ZFP64: variants seen among roughly 807,000 people sequenced by gnomAD.
ZFP64 encodes ZFP64 zinc finger protein, also known as zinc finger protein 64.
In ZFP64, 14 loss-of-function variants were observed where a neutral mutation model predicts 51.6. The observed-to-expected ratio is 0.27, with a 90% CI of 0.18 to 0.42. The LOEUF (loss-of-function observed/expected upper bound fraction) is 0.42, where lower values mean the gene tolerates loss of function less well. Among genes scored for constraint, ZFP64 ranks in the 10% least tolerant of loss-of-function variants. The pLI is 1.00. For synonymous variants in ZFP64, 375 were observed against 361.4 expected (o/e 1.04, Z -0.43); for missense variants, 754 against 906.8 (o/e 0.83, Z 2.16).
chr20:52,103,995 G>A (rs995603674), intron 5 of ZFP64, among the ~76,000 whole-genome samples: 12 of 152,236 alleles, frequency 7.9e-5, no homozygotes, highest in African/African-American at 2.9e-4. Flanking sequence ...CTCTGGAGGG[G>A]TGAGCCGCCC....
intron 1 of ZFP64, among the ~76,000 whole-genome samples, 182 bp from the exon 2 acceptor site, chr20:52,187,253 C>G (rs1354358868): frequency 1.3e-5 from 2 of 152,142 alleles, no homozygotes; most frequent in African/African-American, 4.8e-5. Flanking sequence ...AGCAAGGTAT[C>G]ATATTTCCAC....
At chr20:52,150,590 G>A (rs1248017035), downstream of ZFP64, among the ~76,000 whole-genome samples, 4 of 152,122 alleles carry the variant, frequency 2.6e-5, no homozygotes, top group African/African-American at 9.7e-5. Flanking sequence ...ATTGATGATA[G>A]GAAAATAAAG....
rs79182170 is a variant in ZFP64 at position 52,099,409 on chromosome 20, C to G, written c.764-822G>C. 6.5e-3 allele frequency among the ~76,000 whole-genome samples: 984 copies of G among 151,998 alleles called. 9 individuals carry two copies. The highest frequency in any genetic ancestry group is 0.023 in the African/African-American group (946 of 41,454). On this transcript the variant is annotated intron_variant, in intron 5 of 8. Transcript: ENST00000361387. The stretch of plus-strand genomic sequence containing the variant: ...AGGTCACAGACCACACATCACTGAT[C>G]TCCAGGATAAAACAGTTGTTTCAAC...
At chr20:52,164,083 G>A (rs911616170) in intron 4 of ZFP64, among the ~76,000 whole-genome samples, 1 of 152,124 alleles carries the variant, frequency 6.6e-6, no homozygotes, top group Non-Finnish European at 1.5e-5. Flanking sequence ...AGGCAAGGTG[G>A]GTGGATCGCT....
At chr20:52,088,049 C>T (rs1283616885) in intron 8 of ZFP64, among the ~76,000 whole-genome samples, 4 of 152,208 alleles carry the variant, frequency 2.6e-5, no homozygotes, top group Admixed American at 1.3e-4. Context: ...GATCCTGCTA[C>T]ATTCCAAATT....
intron 7 of ZFP64, among the ~76,000 whole-genome samples, chr20:52,089,506 T>G (rs2078899259): frequency 1.3e-5 from 2 of 152,142 alleles, no homozygotes; most frequent in Non-Finnish European, 2.9e-5. Flanking sequence ...TTTGGGGGGC[T>G]GAGGTGGGTG....
intron 5 of ZFP64, among the ~76,000 whole-genome samples, chr20:52,144,892 C>T (rs1426943462): frequency 7.2e-5 from 11 of 151,942 alleles, no homozygotes; most frequent in African/African-American, 2.4e-4. Flanking sequence ...TTTTCTTTTG[C>T]TAAATATAAA....
chr20:52,149,493 T>C (rs1381174692), downstream of ZFP64, among the ~76,000 whole-genome samples: 1 of 152,106 alleles, frequency 6.6e-6, no homozygotes, highest in African/African-American at 2.4e-5. Context: ...ATGTACAGAG[T>C]ATGATACAAT....
intron 4 of ZFP64, among the ~76,000 whole-genome samples, chr20:52,161,560 C>T (rs151221839): frequency 5.3e-5 from 8 of 150,528 alleles, no homozygotes; most frequent in African/African-American, 7.4e-5. Context: ...ATACCCACAA[C>T]GCGGTTGTTA....
intron 2 of ZFP64, among the ~76,000 whole-genome samples, chr20:52,176,875 C>A (rs1353457951): frequency 6.6e-6 from 1 of 152,226 alleles, no homozygotes; most frequent in Admixed American, 6.5e-5. Flanking sequence ...CTATATCCTT[C>A]TAAACAAAGT....
intron 1 of ZFP64, among the ~76,000 whole-genome samples, chr20:52,187,434 C>T (rs535422277): frequency 3.9e-5 from 6 of 151,924 alleles, no homozygotes; most frequent in East Asian, 1.9e-4. Flanking sequence ...CCAGCCTGGC[C>T]AACATGGTGA....
intron 5 of ZFP64, among the ~76,000 whole-genome samples, chr20:52,098,797 T>A (rs1480729284): frequency 1.3e-5 from 2 of 151,226 alleles, no homozygotes; most frequent in African/African-American, 4.9e-5. Flanking sequence ...AGTTCAGGAG[T>A]TCGAGACCAG....
At chr20:52,128,393 AG>A (rs1393288984) in intron 5 of ZFP64, among the ~76,000 whole-genome samples, 4 of 152,226 alleles carry the variant, frequency 2.6e-5, no homozygotes, top group Admixed American at 2.6e-4. Context: ...TCAATGGACA[AG>A]GTGGGTAAAT....
intron 5 of ZFP64, among the ~76,000 whole-genome samples, chr20:52,108,061 A>C (rs973104531): frequency 6.6e-6 from 1 of 152,214 alleles, no homozygotes; most frequent in African/African-American, 2.4e-5. Context: ...CTCTGTTTCT[A>C]CAAAAAATAT....
chr20:52,144,602 A>AAAAAAAG (rs1980431158), intron 5 of ZFP64, among the ~76,000 whole-genome samples: 1 of 145,126 alleles, frequency 6.9e-6, no homozygotes. Context: ...AAAAAAAAAA[A>AAAAAAAG]TGCTGAAAGC....
chr20:52,183,866 T>C (rs921787218), intron 2 of ZFP64, among the ~76,000 whole-genome samples: 2 of 152,206 alleles, frequency 1.3e-5, no homozygotes, highest in African/African-American at 4.8e-5. Flanking sequence ...TTCCTTTTTA[T>C]TTTTTGAAAT....
chr20:52,180,325 T>C (rs914828097), intron 2 of ZFP64, among the ~76,000 whole-genome samples: 22 of 152,356 alleles, frequency 1.4e-4, no homozygotes, highest in African/African-American at 5.0e-4. Flanking sequence ...ACTTCTCTAA[T>C]TGACTTCTTA....
intron 5 of ZFP64, among the ~76,000 whole-genome samples, chr20:52,145,129 T>A (rs538009812): frequency 5.3e-5 from 8 of 152,218 alleles, no homozygotes; most frequent in African/African-American, 1.9e-4. Context: ...TAGAGTTGCA[T>A]AAGAAACAAG....
intron 5 of ZFP64, among the ~76,000 whole-genome samples, chr20:52,158,302 G>A (rs1401780314): frequency 2.0e-5 from 3 of 152,146 alleles, no homozygotes; most frequent in African/African-American, 7.2e-5. Flanking sequence ...ACGCAATTGT[G>A]GTCTTTAAGG....
Sources: gnomAD v4.1 joint callset for allele counts (sites outside exome capture counted in the v4.1 genomes callset) on GRCh38, gnomAD v4.1.1 for gene constraint, MANE v1.5 for transcripts, NCBI Gene and HGNC (gene_info 2026-07-23, HGNC 2026-07-21) for gene names.